The following IL37 variants were observed in gnomAD, a reference collection of about 807,000 sequenced individuals.
IL37 encodes interleukin 37.
A neutral mutation model predicts 15.4 loss-of-function variants in IL37; 15 were observed. That is an observed-to-expected ratio of 0.98 (90% confidence interval 0.65 to 1.50). The LOEUF is 1.50. Ranked by LOEUF, IL37 falls within the 40% of genes most tolerant of loss-of-function variation. The pLI is 0.00. For synonymous variants in IL37, 98 were observed against 97.4 expected (o/e 1.01, Z -0.03); for missense variants, 269 against 261.7 (o/e 1.03, Z -0.19).
intron 5 of IL37, 23 bp downstream of exon 5, chr2:112,917,800 C>T: frequency 1.2e-6 from 2 of 1,613,682 alleles, no homozygotes. Context: ...GCTCAGTTTC[C>T]TGGGCCTTTG....
chr2:112,916,308 G>A (rs1683309589), intron 3 of IL37, among the ~76,000 whole-genome samples: 1 of 152,122 alleles, frequency 6.6e-6, no homozygotes, highest in Admixed American at 6.5e-5. Flanking sequence ...TCAAACAAGT[G>A]CCTGAGCTCT....
In IL37 at chr2:112,912,975, A is replaced by G; in HGVS notation, c.-38A>G. ...TCTATCTCCTTAGGTCTTGGACTTC[A>G]TTCCATTTTCTGTTGAGTAATAAAC... On this transcript the variant is annotated 5_prime_UTR_variant, in exon 2 of 6. Coordinates refer to ENST00000263326, the MANE Select transcript of IL37 (RefSeq NM_014439.4). The G allele has an allele frequency of 8.7e-6, 13 of 1,495,252 alleles. No individual in the cohort carries two copies. Among genetic ancestry groups the G allele is most frequent in the Non-Finnish European group, 1.2e-5 (13 of 1,097,292 alleles). 92.6% of individuals were successfully genotyped at this position (1,495,252 alleles called of 1,614,324 possible). A position where few individuals can be genotyped will look rare whatever the true frequency, so the allele number is the denominator to read the frequency against.
intron 4 of IL37, 119 bp from the exon 5 acceptor site, chr2:112,917,516 G>T: frequency 9.5e-7 from 1 of 1,055,094 alleles, no homozygotes; most frequent in Non-Finnish European, 1.4e-6. Flanking sequence ...GTGATGGAGG[G>T]AGAAGTGGAC....
chr2:112,917,252 ACT>A lies in IL37; in HGVS notation c.265+8_265+9del, dbSNP rs757341487. 3.7e-5 allele frequency: 60 copies of A among 1,613,564 alleles called. No homozygotes were observed. In the African/African-American group the frequency reaches 6.4e-4, roughly 17 times the overall value. On this transcript the variant is annotated splice_donor_5th_base_variant and intron_variant, in intron 4 of 5. Transcript: ENST00000263326. The stretch of plus-strand genomic sequence containing the variant: ...GATAAAAACTACATACGCCCAGGTG[ACT>A]CTCAGTTTTGGCTGTGTTTTCTGCC...
chr2:112,916,523 C>T (rs1247553546), intron 3 of IL37, among the ~76,000 whole-genome samples: 1 of 152,150 alleles, frequency 6.6e-6, no homozygotes, highest in East Asian at 1.9e-4. Flanking sequence ...AAAGGAGCCA[C>T]TAAAGCTCCA....
At position 112,917,255 on chromosome 2, in the gene IL37, C is replaced by T; in HGVS notation, c.265+7C>T. 1 of 1,613,656 alleles carries T rather than the reference C, an allele frequency of 6.2e-7. No individual in the cohort carries two copies. Among genetic ancestry groups the T allele is most frequent in the Non-Finnish European group, 8.5e-7 (1 of 1,179,852 alleles). The stretch of plus-strand genomic sequence containing the variant: ...AAAAACTACATACGCCCAGGTGACT[C>T]TCAGTTTTGGCTGTGTTTTCTGCCT... On this transcript the variant is annotated splice_region_variant and intron_variant, in intron 4 of 5. Transcript: ENST00000263326.
At chr2:112,917,034 G>A (rs1331753985) in intron 3 of IL37, 95 bp from the exon 4 acceptor site, 3 of 1,394,748 alleles carry the variant, frequency 2.2e-6, no homozygotes, top group Admixed American at 3.8e-5. Flanking sequence ...CAGGCAGGGT[G>A]GAGAGCTAGG....
chr2:112,915,374 G>T (rs1185049894), intron 3 of IL37: 4 of 837,164 alleles, frequency 4.8e-6, no homozygotes, highest in East Asian at 5.7e-5. Flanking sequence ...GGTATCCATG[G>T]TCTTAAAATG....
intron 2 of IL37, 83 bp downstream of exon 2, chr2:112,913,177 G>A: frequency 1.2e-6 from 1 of 860,058 alleles, no homozygotes; most frequent in Non-Finnish European, 1.7e-6. Flanking sequence ...CACAGACCCA[G>A]TTGTTTCCTG....
At chr2:112,912,916 C>T (rs1487154714) in intron 1 of IL37, 47 bp from the exon 2 acceptor site, 1 of 844,138 alleles carries the variant, frequency 1.2e-6, no homozygotes. Flanking sequence ...AGCAAGGTGT[C>T]CTGGGGTGAG....
chr2:112,913,574 G>A (rs1054033071), intron 2 of IL37, among the ~76,000 whole-genome samples: 3 of 152,218 alleles, frequency 2.0e-5, no homozygotes, highest in Non-Finnish European at 4.4e-5. Context: ...GAGGTGTGAC[G>A]GGAGAGGCCT....
At chr2:112,912,404 T>G (rs1427004762) in intron 1 of IL37, among the ~76,000 whole-genome samples, 1 of 152,230 alleles carries the variant, frequency 6.6e-6, no homozygotes. Flanking sequence ...TAGGTTTTCA[T>G]GAAAAGAGGT....
chr2:112,913,091 G>A lies in IL37; in HGVS notation c.79G>A (p.Glu27Lys), dbSNP rs1217676993. The part of the protein sequence containing the change: ...WEKDEPQCCL[E>K]DPAGSPLEPG... ...AAAAGATGAACCCCAGTGCTGCTTA[G>A]AAGGTAAGGTTCTTGTAGAAATCTA... The change falls in exon 2 of 6, where the codon GAA becomes AAA. Residue 27 changes from glutamate to lysine, a missense_variant. Coordinates refer to ENST00000263326, the MANE Select transcript of IL37 (RefSeq NM_014439.4). 3 of 1,552,246 alleles carry A rather than the reference G, an allele frequency of 1.9e-6. No homozygotes were observed. Among genetic ancestry groups the A allele is most frequent in the Non-Finnish European group, 2.6e-6 (3 of 1,156,548 alleles).
chr2:112,917,510 T>G, intron 4 of IL37, 125 bp from the exon 5 acceptor site: 1 of 1,017,066 alleles, frequency 9.8e-7, no homozygotes, highest in Non-Finnish European at 1.4e-6. Flanking sequence ...ACCAGTGTGA[T>G]GGAGGGAGAA....
chr2:112,916,862 A>C (rs1315537322), intron 3 of IL37, among the ~76,000 whole-genome samples: 1 of 152,150 alleles, frequency 6.6e-6, no homozygotes, highest in Non-Finnish European at 1.5e-5. Flanking sequence ...GTTTGGAGAG[A>C]CTTAGTAACT....
In IL37 at chr2:112,917,791, C is replaced by T; in HGVS notation, c.408+14C>T. The T allele has an allele frequency of 6.2e-7, 1 of 1,613,928 alleles. No individual in the cohort carries two copies. Among genetic ancestry groups the T allele is most frequent in the South Asian group, 1.1e-5 (1 of 91,060 alleles). ...CTTCAGCTGAAGGTGAGAGTTCTAGCTCAGTTTCCTGGGCCTTTGGCTACC... is the reference window on the plus strand; with the variant it reads ...CTTCAGCTGAAGGTGAGAGTTCTAGTTCAGTTTCCTGGGCCTTTGGCTACC... On this transcript the variant is annotated intron_variant, in intron 5 of 5. Transcript: ENST00000263326.
At chr2:112,918,434 C>T (rs1683372976) in intron 5 of IL37, 127 bp from the exon 6 acceptor site, 1 of 1,091,316 alleles carries the variant, frequency 9.2e-7, no homozygotes. Context: ...CGTCATCTTT[C>T]CCAAGGACCA....
In IL37 at chr2:112,916,720, T is replaced by C. The variant is rs185146273; in HGVS notation, c.146-409T>C. 2.6e-5 allele frequency among the ~76,000 whole-genome samples: 4 copies of C among 152,296 alleles called. No homozygotes were observed. The East Asian group carries it at 7.7e-4, about 29-fold the overall frequency. ...TAAGAAAAACAATGATTATAAAAAG[T>C]CCTTTTTATACGCCAGACATTTTCT... On this transcript the variant is annotated intron_variant, in intron 3 of 5. Coordinates refer to ENST00000263326, the MANE Select transcript of IL37 (RefSeq NM_014439.4).
intron 1 of IL37, among the ~76,000 whole-genome samples, chr2:112,912,056 G>T (rs902664525): frequency 6.6e-6 from 1 of 152,190 alleles, no homozygotes; most frequent in South Asian, 2.1e-4. Flanking sequence ...TTTTTTGCAT[G>T]AACAATTTAG....
Sources: allele counts gnomAD v4.1 joint callset (sites outside exome capture counted in the v4.1 genomes callset), GRCh38; gene constraint gnomAD v4.1.1; transcripts MANE v1.5; gene names NCBI Gene and HGNC (gene_info 2026-07-23, HGNC 2026-07-21).